Variants in KCND2 observed in about 807,000 individuals in gnomAD.
KCND2 encodes A-type voltage-gated potassium channel KCND2.
A neutral mutation model predicts 54.4 loss-of-function variants in KCND2; 16 were observed. The observed-to-expected ratio is 0.29, with a 90% confidence interval of 0.20 to 0.45. The LOEUF (loss-of-function observed/expected upper bound fraction) is 0.45. KCND2 is among the 20% of genes least tolerant of loss of function. The probability of loss-of-function intolerance (pLI) is 1.00; values close to 1 mark genes in which losing one functional copy is unlikely to be tolerated. For synonymous variants in KCND2, 317 were observed against 310.7 expected (o/e 1.02, Z -0.21); for missense variants, 486 against 824.2 (o/e 0.59, Z 5.02).
At chr7:120,742,405 A>G (rs1274804674) in intron 3 of KCND2, 105 bp from the exon 4 acceptor site, 1 of 897,872 alleles carries the variant, frequency 1.1e-6, no homozygotes, top group African/African-American at 1.6e-5. Context: ...AAAAAATAAA[A>G]TGTTGCCAGT....
intron 1 of KCND2, among the ~76,000 whole-genome samples, chr7:120,672,523 G>C (rs1172502950): frequency 6.6e-6 from 1 of 152,052 alleles, no homozygotes; most frequent in African/African-American, 2.4e-5. Context: ...AGATAGCTCT[G>C]TTAAGTCCTC....
At chr7:120,474,536 G>A (rs62473167) in intron 1 of KCND2, among the ~76,000 whole-genome samples, 1 of 146,300 alleles carries the variant, frequency 6.8e-6, no homozygotes, top group South Asian at 2.2e-4. Flanking sequence ...TTTTTTTTTG[G>A]CATTTTTGGT....
At chr7:120,662,611 G>T (rs906854019) in intron 1 of KCND2, among the ~76,000 whole-genome samples, 1 of 152,152 alleles carries the variant, frequency 6.6e-6, no homozygotes, top group African/African-American at 2.4e-5. Flanking sequence ...ATATCAAATA[G>T]AATATTTATT....
intron 1 of KCND2, among the ~76,000 whole-genome samples, chr7:120,512,883 C>A (rs1389131009): frequency 2.0e-5 from 3 of 151,250 alleles, no homozygotes; most frequent in Non-Finnish European, 4.4e-5. Context: ...CAACCTCCAG[C>A]TCCTGGGATC....
chr7:120,627,319 A>T (rs1193974300), intron 1 of KCND2, among the ~76,000 whole-genome samples: 2 of 152,230 alleles, frequency 1.3e-5, no homozygotes, highest in Non-Finnish European at 2.9e-5. Flanking sequence ...TGAATATGAG[A>T]ATAAACATAT....
intron 1 of KCND2, among the ~76,000 whole-genome samples, chr7:120,689,059 G>C (rs534810355): frequency 9.3e-4 from 141 of 152,260 alleles, no homozygotes; most frequent in Middle Eastern, 6.8e-3. Flanking sequence ...GTTCTTTAGA[G>C]AGCCTTATCA....
chr7:120,655,582 A>G (rs1450166401), intron 1 of KCND2, among the ~76,000 whole-genome samples: 1 of 152,104 alleles, frequency 6.6e-6, no homozygotes, highest in African/African-American at 2.4e-5. Context: ...CATATTTCTT[A>G]AAGAGCATTG....
chr7:120,467,171 T>G (rs537655241), intron 1 of KCND2, among the ~76,000 whole-genome samples: 20 of 152,162 alleles, frequency 1.3e-4, no homozygotes, highest in African/African-American at 4.8e-4. Context: ...CACTGTATAT[T>G]AAAAAGGAAA....
rs1799145590 is a variant in KCND2 at position 120,274,693 on chromosome 7, C to G, written c.61C>G (p.Pro21Ala). The G allele has an allele frequency of 2.5e-6, 4 of 1,614,012 alleles. No individual in the cohort carries two copies. The highest frequency in any genetic ancestry group is 3.4e-6 in the Non-Finnish European group (4 of 1,179,988). ...AAGGGCAGCGGCTATCGGGTGGATGCCTGTGGCCTCGGGGCCTATGCCGGC... is the reference window on the plus strand; with the variant it reads ...AAGGGCAGCGGCTATCGGGTGGATGGCTGTGGCCTCGGGGCCTATGCCGGC... ...FARAAAIGWM[P>A]VASGPMPAPP... Residue 21 changes from proline (P) to alanine (A), a missense_variant, in exon 1 of 6, where the codon CCT (proline) becomes GCT (alanine). By Grantham distance (27) the Pro-to-Ala change is conservative (BLOSUM62 -1). Coordinates refer to ENST00000331113, the MANE Select transcript of KCND2 (RefSeq NM_012281.3).
intron 1 of KCND2, among the ~76,000 whole-genome samples, chr7:120,375,321 A>C (rs1236383468): frequency 6.6e-6 from 1 of 151,870 alleles, no homozygotes; most frequent in African/African-American, 2.4e-5. Flanking sequence ...GTTATTCACC[A>C]AGAACTTCCA....
At chr7:120,638,314 C>G in intron 1 of KCND2, among the ~76,000 whole-genome samples, 1 of 152,144 alleles carries the variant, frequency 6.6e-6, no homozygotes, top group East Asian at 1.9e-4. Context: ...GATTTAGTAT[C>G]TGTAAGGCAC....
At chr7:120,375,602 G>T (rs1800825682) in intron 1 of KCND2, among the ~76,000 whole-genome samples, 1 of 151,710 alleles carries the variant, frequency 6.6e-6, no homozygotes, top group Non-Finnish European at 1.5e-5. Context: ...TTTTTATATA[G>T]ATAAAAAGAT....
intron 1 of KCND2, among the ~76,000 whole-genome samples, chr7:120,341,867 G>GA (rs1398902536): frequency 6.6e-6 from 1 of 152,086 alleles, no homozygotes; most frequent in African/African-American, 2.4e-5. Flanking sequence ...TTGCAACAGT[G>GA]AAGATAATGA....
intron 1 of KCND2, among the ~76,000 whole-genome samples, chr7:120,595,923 C>CAGGA (rs1292935615): frequency 1.3e-5 from 2 of 150,050 alleles, no homozygotes; most frequent in African/African-American, 2.5e-5. Flanking sequence ...GGCAGGCAGG[C>CAGGA]AGGAAGGAAG....
intron 1 of KCND2, among the ~76,000 whole-genome samples, chr7:120,413,310 T>C (rs966435201): frequency 6.6e-6 from 1 of 152,012 alleles, no homozygotes; most frequent in African/African-American, 2.4e-5. Context: ...ATATTAATAT[T>C]TCATTTAGAT....
At chr7:120,733,222 C>G (rs553291603) in intron 2 of KCND2, among the ~76,000 whole-genome samples, 157 bp downstream of exon 2, 1 of 152,218 alleles carries the variant, frequency 6.6e-6, no homozygotes, top group South Asian at 2.1e-4. Flanking sequence ...AACGTAACAT[C>G]TCAGTGGCTT....
At chr7:120,609,262 CTT>C (rs1486653504) in intron 1 of KCND2, among the ~76,000 whole-genome samples, 1 of 152,130 alleles carries the variant, frequency 6.6e-6, no homozygotes, top group South Asian at 2.1e-4. Flanking sequence ...CCTATGATAT[CTT>C]TGAGCACAGA....
chr7:120,532,364 T>G (rs1298086416), intron 1 of KCND2, among the ~76,000 whole-genome samples: 1 of 151,964 alleles, frequency 6.6e-6, no homozygotes. Flanking sequence ...TTATTTTTAC[T>G]GCATATTTTA....
chr7:120,399,902 T>C (rs1801221428), intron 1 of KCND2, among the ~76,000 whole-genome samples: 1 of 151,944 alleles, frequency 6.6e-6, no homozygotes, highest in African/African-American at 2.4e-5. Context: ...ATTTTCATAT[T>C]TTTAGCAGAG....
Sources: gnomAD v4.1 joint callset for allele counts (sites outside exome capture counted in the v4.1 genomes callset) on GRCh38, gnomAD v4.1.1 for gene constraint, MANE v1.5 for transcripts, NCBI Gene and HGNC (gene_info 2026-07-23, HGNC 2026-07-21) for gene names.